Variants in SYNDIG1L observed in about 807,000 individuals in gnomAD.
The protein encoded by SYNDIG1L is synapse differentiation inducing 1 like.
A neutral mutation model predicts 20.1 loss-of-function variants in SYNDIG1L; 13 were observed. The observed-to-expected ratio is 0.65, with a 90% confidence interval of 0.42 to 1.03. The LOEUF (loss-of-function observed/expected upper bound fraction) is 1.03. SYNDIG1L is among the 50% of genes least tolerant of loss of function. The pLI is 0.00. For synonymous variants in SYNDIG1L, 128 were observed against 129.3 expected (o/e 0.99, Z 0.07); for missense variants, 294 against 305.1 (o/e 0.96, Z 0.27).
chr14:74,439,045 C>T, the SYNDIG1L span, among the ~76,000 whole-genome samples: 3 of 146,422 alleles, frequency 2.0e-5, no homozygotes, highest in South Asian at 2.1e-4. Context: ...ACCCGGGAGG[C>T]AGAGGTTGCA....
the SYNDIG1L span, chr14:74,473,900 C>G: frequency 6.6e-6 from 1 of 152,202 alleles, no homozygotes; most frequent in Non-Finnish European, 1.5e-5. Context: ...GCATTACAGT[C>G]CTGTTTTGCA....
chr14:74,446,404 A>G, the SYNDIG1L span, among the ~76,000 whole-genome samples: 2 of 152,204 alleles, frequency 1.3e-5, no homozygotes, highest in African/African-American at 2.4e-5. Flanking sequence ...CCAGAAACAA[A>G]TGGAGTGAGA....
the SYNDIG1L span, among the ~76,000 whole-genome samples, chr14:74,463,087 T>C: frequency 6.6e-6 from 1 of 152,158 alleles, no homozygotes; most frequent in Non-Finnish European, 1.5e-5. Flanking sequence ...GTCGTGCACA[T>C]TGCCTGCCTC....
the SYNDIG1L span, among the ~76,000 whole-genome samples, chr14:74,459,166 G>C: frequency 1.3e-5 from 2 of 152,012 alleles, no homozygotes; most frequent in South Asian, 4.2e-4. Flanking sequence ...AAAGTCCCTG[G>C]GTCATTGTGT....
chr14:74,467,584 A>G, the SYNDIG1L span, among the ~76,000 whole-genome samples: 1 of 152,204 alleles, frequency 6.6e-6, no homozygotes, highest in Non-Finnish European at 1.5e-5. Context: ...GCTTCTCACC[A>G]GGACTGATAT....
chr14:74,465,498 C>A, the SYNDIG1L span, among the ~76,000 whole-genome samples: 1 of 152,230 alleles, frequency 6.6e-6, no homozygotes, highest in African/African-American at 2.4e-5. Flanking sequence ...ACACCTCTCA[C>A]TTCCTTGCCA....
In SYNDIG1L at chr14:74,407,881, G is replaced by A. The variant is rs2086097043; in HGVS notation, c.526C>T (p.Leu176=). 6.2e-7 allele frequency: 1 copy of A among 1,613,904 alleles called. No homozygotes were observed. Among genetic ancestry groups the A allele is most frequent in the Non-Finnish European group, 8.5e-7 (1 of 1,179,864 alleles). Residue 176 remains leucine, a synonymous_variant, in exon 3 of 4, where the codon CTG becomes TTG. Coordinates refer to ENST00000331628, the MANE Select transcript of SYNDIG1L (RefSeq NM_001105579.2). ...LFSMLCCFWP[L]GIAAFYFSQG... is the part of the protein sequence containing the mutation. ...GAGAAGTAGAAGGCAGCAATGCCCA[G>A]TGGCCAGAAGCAGCAGAGCATGGAG...
At chr14:74,441,435 T>G in the SYNDIG1L span, among the ~76,000 whole-genome samples, 67 of 152,210 alleles carry the variant, frequency 4.4e-4, no homozygotes, top group Non-Finnish European at 7.3e-5. Flanking sequence ...GTTCTAACCC[T>G]AAATCTGTTA....
chr14:74,473,128 T>A, the SYNDIG1L span, among the ~76,000 whole-genome samples: 1 of 152,146 alleles, frequency 6.6e-6, no homozygotes, highest in Admixed American at 6.5e-5. Context: ...ATGCTTGTAA[T>A]CTCAGCACTT....
At chr14:74,451,528 A>G in the SYNDIG1L span, among the ~76,000 whole-genome samples, 2 of 152,248 alleles carry the variant, frequency 1.3e-5, no homozygotes, top group African/African-American at 4.8e-5. Flanking sequence ...GATTTCTCAG[A>G]TATAACATCA....
chr14:74,419,425 G>A (rs906645684), intron 1 of SYNDIG1L, among the ~76,000 whole-genome samples: 4 of 152,190 alleles, frequency 2.6e-5, no homozygotes, highest in Non-Finnish European at 5.9e-5. Context: ...ATTAGTGAAT[G>A]GGTGAGCTAG....
chr14:74,435,145 A>C, the SYNDIG1L span, among the ~76,000 whole-genome samples: 1 of 150,988 alleles, frequency 6.6e-6, no homozygotes, highest in Non-Finnish European at 1.5e-5. Context: ...TTGCAACTTG[A>C]ATCTCTCTCC....
the SYNDIG1L span, among the ~76,000 whole-genome samples, chr14:74,464,046 G>C: frequency 2.0e-5 from 3 of 152,170 alleles, no homozygotes; most frequent in African/African-American, 7.2e-5. Flanking sequence ...TCCAGCAATG[G>C]GGTCTGACCG....
At chr14:74,432,295 C>A in the SYNDIG1L span, among the ~76,000 whole-genome samples, 1 of 152,126 alleles carries the variant, frequency 6.6e-6, no homozygotes, top group Non-Finnish European at 1.5e-5. Context: ...GCAAGCAGTG[C>A]TTGGGGCACC....
Position 74,407,694 on chromosome 14 carries a change from C to T in SYNDIG1L, c.559-1G>A. ...CCCCTTTGGAGATGGCCTTGCTGGT[C>T]TAGGGAGAGAGACATGCTGATGAAC... On this transcript the variant is annotated splice_acceptor_variant, in intron 3 of 3. Transcript: ENST00000331628. LOFTEE classifies it high-confidence loss of function. The T allele has an allele frequency of 6.2e-7, 1 of 1,600,828 alleles. No individual in the cohort carries two copies. The highest frequency in any genetic ancestry group is 8.5e-7 in the Non-Finnish European group (1 of 1,173,030).
At chr14:74,431,050 A>G (rs1826069732), upstream of SYNDIG1L, among the ~76,000 whole-genome samples, 1 of 152,204 alleles carries the variant, frequency 6.6e-6, no homozygotes, top group Non-Finnish European at 1.5e-5. Context: ...CTGCCCTTGA[A>G]GCCAGAGCCA....
rs76094580 is a variant in SYNDIG1L, at chr14:74,406,372, C to T, written c.*1163G>A. 820 of 306,264 alleles carry T rather than the reference C, an allele frequency of 2.7e-3. 19 individuals are homozygous for T. In the East Asian group the frequency reaches 0.04, roughly 15 times the overall value. 19.0% of individuals were successfully genotyped at this position (306,264 alleles called of 1,614,324 possible). Reference sequence around the variant, plus strand: ...CCTTAGGAATGGCTGTAGTTTGGCTCCAGCCCAGATGTTCCAGGCAGAATC... The same window carrying T: ...CCTTAGGAATGGCTGTAGTTTGGCTTCAGCCCAGATGTTCCAGGCAGAATC... On this transcript the variant is annotated 3_prime_UTR_variant, in exon 4 of 4. Coordinates refer to ENST00000331628, the MANE Select transcript of SYNDIG1L (RefSeq NM_001105579.2).
At chr14:74,427,023 G>A (rs886275185), upstream of SYNDIG1L, among the ~76,000 whole-genome samples, 1 of 151,110 alleles carries the variant, frequency 6.6e-6, no homozygotes, top group Non-Finnish European at 1.5e-5. Context: ...GTCCCCCTGA[G>A]TTTTCCCAGC....
At chr14:74,417,975 A>C (rs1012228620) in intron 1 of SYNDIG1L, among the ~76,000 whole-genome samples, 4 of 152,380 alleles carry the variant, frequency 2.6e-5, no homozygotes, top group Non-Finnish European at 5.9e-5. Context: ...ACTATCTCTC[A>C]GTGCAACAAG....
Sources: gnomAD v4.1 joint callset for allele counts (sites outside exome capture counted in the v4.1 genomes callset) on GRCh38, gnomAD v4.1.1 for gene constraint, MANE v1.5 for transcripts, NCBI Gene and HGNC (gene_info 2026-07-23, HGNC 2026-07-21) for gene names.